Variants in ITGA5 observed in about 807,000 individuals in gnomAD.
The protein encoded by ITGA5 is integrin subunit alpha 5, also known as integrin alpha-5.
In ITGA5, 55 loss-of-function variants were observed where a neutral mutation model predicts 146.3. The ratio of observed to expected loss-of-function variants is 0.38; its 90% CI spans 0.30 to 0.47. ITGA5 has a LOEUF of 0.47. Ranked by LOEUF, ITGA5 falls within the 20% of genes least tolerant of loss-of-function variation. The pLI is 0.99. For missense variants in ITGA5, 1,131 were observed against 1,329.0 expected (o/e 0.85, Z 2.32); for synonymous variants, 500 against 531.8 (o/e 0.94, Z 0.82).
Position 54,411,958 on chromosome 12 carries a change from A to C in ITGA5, c.225T>G (p.Ser75Arg). ...EFYRPGTDGV[S>R]VLVGAPKANT... ...TAGCCTTGGGTGCTCCCACCAGCAC[A>C]CTGACCCTGTGGGGGGGAAAAGCGA... Residue 75 changes from serine (S) to arginine (R), a missense_variant, in exon 2 of 30, where the codon AGT (serine) becomes AGG (arginine). Physicochemically the swap from Ser to Arg is moderately radical, Grantham distance 110 (BLOSUM62 -1). This residue lies in a region of ITGA5 where 175 missense variants were observed against 179.3 expected (regional missense o/e 0.98). Transcript: ENST00000293379. 1.3e-6 allele frequency: 2 copies of C among 1,590,478 alleles called. No individual in the cohort carries two copies. The highest frequency in any genetic ancestry group is 1.7e-6 in the Non-Finnish European group (2 of 1,168,536).
chr12:54,408,307 T>C (rs758585819), intron 6 of ITGA5, 72 bp from the exon 7 acceptor site: 56 of 1,531,382 alleles, frequency 3.7e-5, no homozygotes, highest in Non-Finnish European at 4.9e-5. Context: ...GGGGGCTGAC[T>C]GGGTAGTATT....
intron 12 of ITGA5, 94 bp from the exon 13 acceptor site, chr12:54,404,988 T>G (rs1955844144): frequency 1.1e-5 from 13 of 1,235,526 alleles, no homozygotes; most frequent in Non-Finnish European, 1.4e-5. Context: ...TCCTATTTTT[T>G]CCCATCTGTC....
intron 29 of ITGA5, among the ~76,000 whole-genome samples, chr12:54,396,952 T>C (rs952448087): frequency 6.6e-6 from 1 of 152,050 alleles, no homozygotes; most frequent in African/African-American, 2.4e-5. Context: ...TCCCAAAATG[T>C]TGGGATTACA....
chr12:54,403,389 A>T lies in ITGA5; in HGVS notation c.1777-65T>A. On this transcript the variant is annotated intron_variant, in intron 17 of 29. Transcript: ENST00000293379. The surrounding 1 kb of genome is among the most constrained non-coding windows in gnomAD (Gnocchi z 4.9). Reference sequence around the variant, plus strand: ...TGGAGACTTAGTGGCCCTGCTCCTCAGCCTCTCTCATCTCCCTTTGTCTGC... The same window carrying T: ...TGGAGACTTAGTGGCCCTGCTCCTCTGCCTCTCTCATCTCCCTTTGTCTGC... 6.8e-7 allele frequency: 1 copy of T among 1,471,078 alleles called. No homozygotes were observed. The allele number at this position is 1,471,078 out of a possible 1,614,324, so 91.1% of individuals were successfully genotyped here.
In ITGA5 at chr12:54,401,723, G is replaced by A; in HGVS notation, c.2306+53C>T. 6.2e-7 allele frequency: 1 copy of A among 1,610,520 alleles called. No homozygotes were observed. Among genetic ancestry groups the A allele is most frequent in the Non-Finnish European group, 8.5e-7 (1 of 1,176,852 alleles). On this transcript the variant is annotated intron_variant, in intron 22 of 29. Coordinates refer to ENST00000293379, the MANE Select transcript of ITGA5 (RefSeq NM_002205.5). This position sits in a 1 kb window ranked among gnomAD's most constrained non-coding sequence, Gnocchi z 5.0. The stretch of plus-strand genomic sequence containing the variant: ...GTGCAGCCAGTGAGAATGGCGCCCA[G>A]CCCTCCCTTCCGTCCCCAGCTCAGC...
Position 54,403,241 on chromosome 12 carries a change from G to A in ITGA5, c.1860C>T (p.Ser620=). 6.4e-7 allele frequency: 1 copy of A among 1,569,374 alleles called. No individual in the cohort carries two copies. The highest frequency in any genetic ancestry group is 8.6e-7 in the Non-Finnish European group (1 of 1,160,092). The part of the protein sequence containing the change: ...FSLDPQAPVD[S]HGLRPALHYQ... ...AATGTAGGGCTGGCCTGAGGCCGTG[G>A]CTGTCCACTGGGGCTTGGGGGTCCA... Residue 620 remains serine (S), a synonymous_variant, in exon 18 of 30, where the codon AGC becomes AGT. Coordinates refer to ENST00000293379, the MANE Select transcript of ITGA5 (RefSeq NM_002205.5). This position sits in a 1 kb window ranked among gnomAD's most constrained non-coding sequence, Gnocchi z 4.9.
chr12:54,408,404 T>C (rs979529721), intron 6 of ITGA5, among the ~76,000 whole-genome samples, 169 bp from the exon 7 acceptor site: 1 of 151,016 alleles, frequency 6.6e-6, no homozygotes, highest in African/African-American at 2.4e-5. Flanking sequence ...GGGAGTAGGG[T>C]GGGAGGCTAT....
intron 28 of ITGA5, 55 bp downstream of exon 28, chr12:54,398,541 GT>G (rs1368513911): frequency 3.8e-6 from 5 of 1,302,360 alleles, no homozygotes; most frequent in Admixed American, 1.8e-5. Context: ...TCCCAGCCCT[GT>G]TCCAGCACTC....
intron 27 of ITGA5, 134 bp from the exon 28 acceptor site, chr12:54,398,832 T>G (rs1172955808): frequency 5.2e-6 from 2 of 382,988 alleles, no homozygotes; most frequent in African/African-American, 2.5e-5. Flanking sequence ...TCTCTCTCTC[T>G]CTCTTTTTTT....
At chr12:54,397,230 G>T in intron 29 of ITGA5, 135 bp downstream of exon 29, 1 of 871,544 alleles carries the variant, frequency 1.1e-6, no homozygotes. Flanking sequence ...GGTTAGGATG[G>T]GATGCATGTA....
In ITGA5 at chr12:54,403,632, T is replaced by G. The variant is rs1402236382; in HGVS notation, c.1769A>C (p.Tyr590Ser). 6.2e-7 allele frequency: 1 copy of G among 1,613,622 alleles called. No individual in the cohort carries two copies. The highest frequency in any genetic ancestry group is 2.2e-5 in the East Asian group (1 of 44,874). The change falls in exon 17 of 30, where the codon TAC becomes TCC. Residue 590 changes from tyrosine (Y) to serine (S), a missense_variant. Tyr to Ser is a moderately radical substitution (Grantham distance 144). Transcript: ENST00000293379. The surrounding 1 kb of genome is among the most constrained non-coding windows in gnomAD (Gnocchi z 4.9). ...AREDCREMKI[Y>S]LRNESEFRDK... ...CCGCCCTCTGGGCCATACCCTGAGG[T>G]AGATCTTCATCTCTCTGCAATCCTC...
In ITGA5 at chr12:54,409,580, A is replaced by G; in HGVS notation, c.367T>C (p.Ser123Pro). 6.2e-7 allele frequency: 1 copy of G among 1,612,452 alleles called. No homozygotes were observed. The highest frequency in any genetic ancestry group is 1.1e-5 in the South Asian group (1 of 91,044). Reference protein sequence around the residue: ...FDSKGSRLLESSLSSSEGEEP... With the variant: ...FDSKGSRLLEPSLSSSEGEEP... ...TCTCCCTCTGAGCTGGACAGTGAGG[A>G]CTCCAGGAGCCGAGAGCCTTGTGGA... The change falls in exon 3 of 30, where the codon TCC becomes CCC. Residue 123 changes from serine (S) to proline (P), a missense_variant. By Grantham distance (74) the Ser-to-Pro change is moderately conservative. Transcript: ENST00000293379. The surrounding 1 kb of genome is among the most constrained non-coding windows in gnomAD (Gnocchi z 4.7).
At chr12:54,408,005 G>T (rs992228109) in intron 7 of ITGA5, 105 bp downstream of exon 7, 17 of 1,535,678 alleles carry the variant, frequency 1.1e-5, no homozygotes, top group Non-Finnish European at 1.4e-5. Flanking sequence ...AGTATGGCAG[G>T]GGTGCTGGGG....
intron 1 of ITGA5, 99 bp from the exon 2 acceptor site, chr12:54,412,063 G>A: frequency 4.1e-6 from 4 of 979,868 alleles, no homozygotes; most frequent in Non-Finnish European, 5.7e-6. Flanking sequence ...GGGCTGGCTG[G>A]GGGTGGAGTA....
At chr12:54,418,940 G>T in intron 1 of ITGA5, 41 bp downstream of exon 1, 1 of 1,603,224 alleles carries the variant, frequency 6.2e-7, no homozygotes, top group South Asian at 1.1e-5. Context: ...TCTCCAGGCG[G>T]CTCCCCCACC....
At chr12:54,400,638 G>A (rs1327669456) in intron 25 of ITGA5, 2 of 527,042 alleles carry the variant, frequency 3.8e-6, no homozygotes, top group Non-Finnish European at 6.7e-6. Flanking sequence ...AAACAAAGAA[G>A]GGATAGTTCA....
At chr12:54,406,762 C>T (rs576562446) in intron 9 of ITGA5, among the ~76,000 whole-genome samples, 2 of 152,320 alleles carry the variant, frequency 1.3e-5, no homozygotes, top group South Asian at 4.1e-4. Context: ...GCTGAACCTT[C>T]ATAGAACCTT....
intron 15 of ITGA5, 55 bp downstream of exon 15, chr12:54,404,090 T>TG (rs1955827468): frequency 1.3e-6 from 2 of 1,561,496 alleles, no homozygotes; most frequent in African/African-American, 2.7e-5. Context: ...GCAGACTTGG[T>TG]GCCCCTGCCC....
intron 19 of ITGA5, 108 bp downstream of exon 19, chr12:54,402,875 G>T: frequency 1.2e-6 from 1 of 819,884 alleles, no homozygotes; most frequent in South Asian, 1.4e-5. Flanking sequence ...TTAAAGCTCA[G>T]AGCAGCTCAG....
Sources: gnomAD v4.1 joint callset for allele counts (sites outside exome capture counted in the v4.1 genomes callset) on GRCh38, gnomAD v4.1.1 for gene constraint, gnomAD v4.1.1 regional missense constraint, Gnocchi (gnomAD v3.1) non-coding constraint, MANE v1.5 for transcripts, NCBI Gene and HGNC (gene_info 2026-07-23, HGNC 2026-07-21) for gene names.